INO80: variants seen among roughly 807,000 people sequenced by gnomAD.
INO80 encodes the protein chromatin-remodeling ATPase INO80.
Under a neutral mutation model 203.4 loss-of-function variants are expected in INO80, and 20 were observed. That is an observed-to-expected ratio of 0.10 (90% CI 0.07 to 0.14). The LOEUF is 0.14. Among genes scored for constraint, INO80 ranks in the 10% least tolerant of loss-of-function variants. The probability of loss-of-function intolerance (pLI) is 1.00; values close to 1 mark genes in which losing one functional copy is unlikely to be tolerated. For missense variants in INO80, 1,419 were observed against 1,914.4 expected (o/e 0.74, Z 4.83); for synonymous variants, 726 against 685.2 (o/e 1.06, Z -0.93).
rs200587640 is a variant in INO80, at chr15:40,980,196, T to C, written c.*27A>G. ...GGTCAGGACTCTAGCCCTGGTTTGG[T>C]TGAAGGAAGTCGGAGGGCCCAGATG... is the stretch of plus-strand genomic sequence containing the variant. On this transcript the variant is annotated 3_prime_UTR_variant, in exon 36 of 36. Coordinates refer to ENST00000648947, the MANE Select transcript of INO80 (RefSeq NM_017553.3). 5.6e-5 allele frequency: 90 copies of C among 1,594,942 alleles called. No homozygotes were observed. The East Asian group carries it at 9.6e-4, about 17-fold the overall frequency.
intron 28 of INO80, among the ~76,000 whole-genome samples, chr15:41,000,570 C>T (rs1046318424): frequency 6.6e-6 from 1 of 151,524 alleles, no homozygotes; most frequent in Non-Finnish European, 1.5e-5. Flanking sequence ...TGGTACGAGC[C>T]TGTAGTCTCA....
At chr15:41,059,799 C>T (rs1282788101) in intron 15 of INO80, 68 bp downstream of exon 15, 2 of 1,003,816 alleles carry the variant, frequency 2.0e-6, no homozygotes, top group South Asian at 1.7e-5. Flanking sequence ...AAGAAATTAT[C>T]CACATCAATT....
chr15:40,986,941 C>T lies in INO80; in HGVS notation c.3832+150G>A, dbSNP rs1007896978. The T allele has an allele frequency of 7.5e-6, 4 of 536,538 alleles. No homozygotes were observed. The South Asian group carries it at 7.6e-5, about 10-fold the overall frequency. The allele number at this position is 536,538 out of a possible 1,614,324, so 33.2% of individuals were successfully genotyped here. ...AGCCACCATGCCTGGCCTACAAACACATTCTTGTTTGGGTTTTTATATAAA... is the reference window on the plus strand; with the variant it reads ...AGCCACCATGCCTGGCCTACAAACATATTCTTGTTTGGGTTTTTATATAAA... On this transcript the variant is annotated intron_variant, in intron 31 of 35. Coordinates refer to ENST00000648947, the MANE Select transcript of INO80 (RefSeq NM_017553.3).
At chr15:40,997,286 AAAAC>A (rs1384557343) in intron 29 of INO80, among the ~76,000 whole-genome samples, 1 of 152,186 alleles carries the variant, frequency 6.6e-6, no homozygotes, top group African/African-American at 2.4e-5. Context: ...TCAAAAAACA[AAAAC>A]AAAAAAACTT....
At chr15:41,004,964 G>C (rs1252855428) in intron 28 of INO80, 1 of 152,156 alleles carries the variant, frequency 6.6e-6, no homozygotes, top group Non-Finnish European at 1.5e-5. Context: ...GGAGGTGGAA[G>C]TGGGTGGATC....
chr15:41,087,476 T>C, intron 6 of INO80, 86 bp downstream of exon 6: 5 of 1,394,080 alleles, frequency 3.6e-6, no homozygotes, highest in Non-Finnish European at 4.9e-6. Context: ...TATGGACTTA[T>C]ATATAAAGTC....
chr15:41,065,336 G>A (rs150574640), intron 14 of INO80, among the ~76,000 whole-genome samples: 73 of 151,944 alleles, frequency 4.8e-4, no homozygotes, highest in Non-Finnish European at 8.4e-4. Flanking sequence ...TACTCGGGAG[G>A]CTGAGGCAAA....
At chr15:41,031,031 G>A (rs1265035166) in intron 24 of INO80, among the ~76,000 whole-genome samples, 1 of 152,154 alleles carries the variant, frequency 6.6e-6, no homozygotes, top group East Asian at 1.9e-4. Context: ...GCTAAGTCAA[G>A]GTGATGTATA....
chr15:41,044,443 G>A (rs1009628338), intron 24 of INO80, among the ~76,000 whole-genome samples: 1 of 152,084 alleles, frequency 6.6e-6, no homozygotes, highest in African/African-American at 2.4e-5. Flanking sequence ...TTACAAAAGA[G>A]TACATACAAG....
intron 6 of INO80, 24 bp downstream of exon 6, chr15:41,087,538 T>C: frequency 6.2e-7 from 1 of 1,612,646 alleles, no homozygotes; most frequent in Non-Finnish European, 8.5e-7. Flanking sequence ...TGAATATACG[T>C]GGAAGGCAGT....
chr15:41,056,682 C>G lies in INO80; in HGVS notation c.2010G>C (p.Gln670His). The G allele has an allele frequency of 6.2e-7, 1 of 1,614,032 alleles. No individual in the cohort carries two copies. The highest frequency in any genetic ancestry group is 8.5e-7 in the Non-Finnish European group (1 of 1,179,894). ...GCAAAAGCCGATTCCGACACTGGAA[C>G]TGTAAGAGGATCTTCCAACGAACAC... ...SSSVRWKILL[Q>H]FQCRNRLLLT... The change falls in exon 17 of 36, where the codon CAG becomes CAC. Residue 670 changes from glutamine to histidine, a missense_variant. By Grantham distance (24) the Gln-to-His change is conservative (BLOSUM62 0). This residue lies in a region of INO80 where 192 missense variants were observed against 406.7 expected (regional missense o/e 0.47). Coordinates refer to ENST00000648947, the MANE Select transcript of INO80 (RefSeq NM_017553.3).
At position 41,049,945 on chromosome 15, in the gene INO80, T is replaced by G; in HGVS notation, c.2432A>C (p.Gln811Pro). 1 of 1,612,430 alleles carries G rather than the reference T, an allele frequency of 6.2e-7. No individual in the cohort carries two copies. The highest frequency in any genetic ancestry group is 8.5e-7 in the Non-Finnish European group (1 of 1,178,934). Residue 811 changes from glutamine (Q) to proline (P), a missense_variant, in exon 20 of 36, where the codon CAG becomes CCG. Gln to Pro is a moderately conservative substitution (Grantham distance 76, BLOSUM62 -1). Transcript: ENST00000648947. ...TTSSLMNLVM[Q>P]FRKVCNHPEL... is the part of the protein sequence containing the mutation. ...GACGTAAGCTCTTACCTTCCTAAAC[T>G]GCATGACCAGATTCATGAGGCTGCT...
rs758964021 is a variant in INO80 at position 41,058,683 on chromosome 15, T to C, written c.1941A>G (p.Gln647=). The part of the protein sequence containing the change: ...DVKYFQRVKW[Q]YMVLDEAQAL... ...CCTGAGCCTCATCCAGTACCATGTA[T>C]TGCCACTTGACCCGCTGGAAATACT... The change falls in exon 16 of 36, where the codon CAA becomes CAG. Residue 647 remains glutamine (Q), a synonymous_variant. Coordinates refer to ENST00000648947, the MANE Select transcript of INO80 (RefSeq NM_017553.3). 45 of 1,613,762 alleles carry C rather than the reference T, an allele frequency of 2.8e-5. No homozygotes were observed. The highest frequency in any genetic ancestry group is 2.2e-4 in the South Asian group (20 of 91,076).
Position 41,071,873 on chromosome 15 carries a change from A to G in INO80, c.1581T>C (p.Asn527=). ...CCTGTTCATATAGATTGGCCAACCAATTCATGCCTTTCAGTTGATAACCTT... is the reference window on the plus strand; with the variant it reads ...CCTGTTCATATAGATTGGCCAACCAGTTCATGCCTTTCAGTTGATAACCTT... ...KLKGYQLKGM[N]WLANLYEQGI... Residue 527 remains asparagine, a synonymous_variant, in exon 12 of 36, where the codon AAT becomes AAC. Coordinates refer to ENST00000648947, the MANE Select transcript of INO80 (RefSeq NM_017553.3). 6.2e-7 allele frequency: 1 copy of G among 1,614,084 alleles called. No individual in the cohort carries two copies.
In INO80 at chr15:41,073,596, C is replaced by T; in HGVS notation, c.1328-101G>A. 5.1e-6 allele frequency: 5 copies of T among 971,034 alleles called. No homozygotes were observed. The African/African-American group carries it at 8.0e-5, about 16-fold the overall frequency. The allele number at this position is 971,034 out of a possible 1,614,324, so 60.2% of individuals were successfully genotyped here. A position where few individuals can be genotyped will look rare whatever the true frequency, so the allele number is the denominator to read the frequency against. On this transcript the variant is annotated intron_variant, in intron 10 of 35. Transcript: ENST00000648947. ...GTGGATCCCTGATTCCCTCATTCTA[C>T]TTATCCCTGGGTTCACGGAGGGTGG...
intron 25 of INO80, among the ~76,000 whole-genome samples, chr15:41,026,058 A>G (rs1380541495): frequency 6.6e-6 from 1 of 152,226 alleles, no homozygotes; most frequent in Non-Finnish European, 1.5e-5. Context: ...GATAGTGACA[A>G]GGGAATTAAA....
intron 30 of INO80, among the ~76,000 whole-genome samples, chr15:40,987,561 G>C (rs915989907): frequency 2.6e-5 from 4 of 152,152 alleles, no homozygotes; most frequent in African/African-American, 9.7e-5. Context: ...GGCCATTACC[G>C]GTGTCAGTCT....
In INO80 at chr15:41,007,804, T is replaced by C. The variant is rs538839197; in HGVS notation, c.3403-2117A>G. Among the ~76,000 whole-genome samples, 23 of 147,602 alleles carry C rather than the reference T, an allele frequency of 1.6e-4. No individual in the cohort carries two copies. The South Asian group carries it at 4.5e-3, about 29-fold the overall frequency. ...ACAAGAAAATGGACATGGAAAGATG[T>C]GTTAAAAGGCTGAATAGAGCGACAT... is the stretch of plus-strand genomic sequence containing the variant. On this transcript the variant is annotated intron_variant, in intron 27 of 35. Coordinates refer to ENST00000648947, the MANE Select transcript of INO80 (RefSeq NM_017553.3).
intron 14 of INO80, among the ~76,000 whole-genome samples, chr15:41,067,113 G>A (rs2045233875): frequency 6.6e-6 from 1 of 152,050 alleles, no homozygotes; most frequent in Admixed American, 6.6e-5. Context: ...TTCTCACTCT[G>A]TCGCCCAGGC....
Sources: allele counts gnomAD v4.1 joint callset (sites outside exome capture counted in the v4.1 genomes callset), GRCh38; gene constraint gnomAD v4.1.1; regional missense constraint gnomAD v4.1.1; transcripts MANE v1.5; gene names NCBI Gene and HGNC (gene_info 2026-07-23, HGNC 2026-07-21).